Variants in ULK4 observed in about 807,000 individuals in gnomAD.
ULK4 encodes unc-51 like kinase 4.
Under a neutral mutation model 160.6 loss-of-function variants are expected in ULK4, and 133 were observed. That is an observed-to-expected ratio of 0.83 (90% CI 0.72 to 0.96). ULK4 has a LOEUF of 0.96. Among genes scored for constraint, ULK4 ranks in the 40% least tolerant of loss-of-function variants. ULK4 has a pLI of 0.00. For missense variants in ULK4, 1,580 were observed against 1,499.5 expected (o/e 1.05, Z -0.89); for synonymous variants, 534 against 539.8 (o/e 0.99, Z 0.15).
At chr3:41,498,335 T>C (rs996551211) in intron 32 of ULK4, among the ~76,000 whole-genome samples, 2 of 152,138 alleles carry the variant, frequency 1.3e-5, no homozygotes, top group Non-Finnish European at 1.5e-5. Context: ...CAAGGGAAAT[T>C]AGAAAACATT....
At chr3:41,652,702 T>C (rs1034797315) in intron 30 of ULK4, among the ~76,000 whole-genome samples, 9 of 152,210 alleles carry the variant, frequency 5.9e-5, no homozygotes, top group Non-Finnish European at 1.2e-4. Flanking sequence ...AGGAGAATCA[T>C]GCTTTTGTTT....
chr3:41,852,795 G>A (rs1236163525), intron 17 of ULK4, among the ~76,000 whole-genome samples: 4 of 152,128 alleles, frequency 2.6e-5, no homozygotes, highest in Admixed American at 2.6e-4. Context: ...TGCCCATAGT[G>A]TAGTATCAAA....
chr3:41,874,100 A>C (rs1324282975), intron 17 of ULK4, among the ~76,000 whole-genome samples: 1 of 151,436 alleles, frequency 6.6e-6, no homozygotes, highest in Non-Finnish European at 1.5e-5. Flanking sequence ...TTTGTTCTTG[A>C]AAAAAGGTTA....
intron 27 of ULK4, among the ~76,000 whole-genome samples, chr3:41,693,085 C>T (rs1029538713): frequency 7.2e-5 from 11 of 152,106 alleles, no homozygotes; most frequent in African/African-American, 2.4e-4. Context: ...GTTATTGTTG[C>T]CCAAGATGAT....
intron 25 of ULK4, among the ~76,000 whole-genome samples, chr3:41,708,310 G>C (rs6768329): frequency 1.3e-5 from 2 of 151,996 alleles, no homozygotes; most frequent in African/African-American, 4.8e-5. Flanking sequence ...CAGATGAACG[G>C]ATTTTTTAAA....
intron 32 of ULK4, among the ~76,000 whole-genome samples, chr3:41,464,886 G>A (rs977275028): frequency 6.6e-6 from 1 of 152,284 alleles, no homozygotes; most frequent in Non-Finnish European, 1.5e-5. Context: ...GGGCATCAAT[G>A]TTCTTCTTGA....
At chr3:41,671,361 C>T (rs114119506) in intron 29 of ULK4, among the ~76,000 whole-genome samples, 1 of 151,998 alleles carries the variant, frequency 6.6e-6, no homozygotes, top group African/African-American at 2.4e-5. Flanking sequence ...TTATAGTAAC[C>T]AAAACAGCAT....
intron 21 of ULK4, among the ~76,000 whole-genome samples, chr3:41,783,688 T>C (rs1232546263): frequency 6.6e-6 from 1 of 152,182 alleles, no homozygotes; most frequent in Non-Finnish European, 1.5e-5. Flanking sequence ...TTCTCTATAC[T>C]ACTCATATGA....
At chr3:41,453,163 G>A (rs1343434455) in intron 34 of ULK4, among the ~76,000 whole-genome samples, 1 of 152,042 alleles carries the variant, frequency 6.6e-6, no homozygotes, top group Non-Finnish European at 1.5e-5. Flanking sequence ...GTGAAATTGC[G>A]TTTTTTTGTT....
At chr3:41,752,883 T>A (rs1197420173) in intron 22 of ULK4, among the ~76,000 whole-genome samples, 1 of 152,172 alleles carries the variant, frequency 6.6e-6, no homozygotes, top group East Asian at 1.9e-4. Flanking sequence ...AAAGAAAAAT[T>A]TCATTCAGTT....
intron 32 of ULK4, among the ~76,000 whole-genome samples, chr3:41,515,929 G>A (rs185459199): frequency 6.8e-4 from 103 of 152,296 alleles, no homozygotes; most frequent in African/African-American, 2.4e-3. Flanking sequence ...CACTGTCTGA[G>A]AAGGGACTTG....
At chr3:41,622,258 C>G (rs2033280748) in intron 30 of ULK4, among the ~76,000 whole-genome samples, 1 of 151,758 alleles carries the variant, frequency 6.6e-6, no homozygotes, top group South Asian at 2.1e-4. Context: ...GGGTATATAC[C>G]CAAAGGATTG....
chr3:41,363,012 T>C (rs58386850), intron 35 of ULK4, among the ~76,000 whole-genome samples: 5,884 of 152,310 alleles, frequency 0.039, 302 homozygotes, highest in East Asian at 0.19. Context: ...CTGGCTATTC[T>C]CCAGCCTTTG....
At chr3:41,942,381 T>A (rs929747001) in intron 2 of ULK4, among the ~76,000 whole-genome samples, 1 of 151,618 alleles carries the variant, frequency 6.6e-6, no homozygotes, top group Non-Finnish European at 1.5e-5. Flanking sequence ...TAGGCAGGCA[T>A]GGTGGTGCAT....
intron 35 of ULK4, among the ~76,000 whole-genome samples, chr3:41,267,414 TG>T (rs1363118359): frequency 2.0e-5 from 3 of 152,186 alleles, no homozygotes; most frequent in Non-Finnish European, 4.4e-5. Context: ...GGTCTATCAT[TG>T]GTGGGCATTT....
intron 16 of ULK4, among the ~76,000 whole-genome samples, chr3:41,893,961 A>G (rs1698063209): frequency 6.6e-6 from 1 of 152,208 alleles, no homozygotes; most frequent in Non-Finnish European, 1.5e-5. Context: ...TGAATGGAGA[A>G]AGAATAAAAG....
intron 34 of ULK4, among the ~76,000 whole-genome samples, chr3:41,433,109 C>G (rs889536475): frequency 6.6e-6 from 1 of 151,994 alleles, no homozygotes; most frequent in Non-Finnish European, 1.5e-5. Context: ...AAAGGATAAG[C>G]CTATTAATAT....
chr3:41,929,314 A>C (rs1255029750), intron 5 of ULK4, among the ~76,000 whole-genome samples: 2 of 152,232 alleles, frequency 1.3e-5, no homozygotes, highest in Non-Finnish European at 2.9e-5. Context: ...AAAACTCTCA[A>C]TAAACTTGGT....
At chr3:41,580,128 C>T (rs1226931109) in intron 31 of ULK4, among the ~76,000 whole-genome samples, 1 of 152,132 alleles carries the variant, frequency 6.6e-6, no homozygotes, top group East Asian at 1.9e-4. Flanking sequence ...TGTGCCATCC[C>T]CTCAGGCTGA....
Sources: allele counts gnomAD v4.1 joint callset (sites outside exome capture counted in the v4.1 genomes callset), GRCh38; gene constraint gnomAD v4.1.1; transcripts MANE v1.5; gene names NCBI Gene and HGNC (gene_info 2026-07-23, HGNC 2026-07-21).